The following FKBP3 variants were observed in gnomAD, a reference collection of about 807,000 sequenced individuals.
The protein encoded by FKBP3 is FKBP prolyl isomerase 3, also known as peptidyl-prolyl cis-trans isomerase FKBP3.
FKBP3 carries 21 observed loss-of-function variants against 30.6 expected under a neutral mutation model. That is an observed-to-expected ratio of 0.69 (90% CI 0.49 to 0.99). The LOEUF (loss-of-function observed/expected upper bound fraction) is 0.99, where lower values mean the gene tolerates loss of function less well. Ranked by LOEUF, FKBP3 falls within the 50% of genes least tolerant of loss-of-function variation. The probability of loss-of-function intolerance (pLI) is 0.00; values close to 1 mark genes in which losing one functional copy is unlikely to be tolerated. For synonymous variants in FKBP3, 82 were observed against 91.3 expected, an observed-to-expected ratio of 0.90 and a Z score of 0.58; for missense variants, 283 against 261.6, an observed-to-expected ratio of 1.08 and a Z score of -0.56.
Position 45,134,425 on chromosome 14 carries a change from G to T in FKBP3, c.32C>A (p.Thr11Asn). The T allele has an allele frequency of 6.2e-7, 1 of 1,612,570 alleles. No homozygotes were observed. The highest frequency in any genetic ancestry group is 8.5e-7 in the Non-Finnish European group (1 of 1,179,448). Residue 11 changes from threonine to asparagine, a missense_variant, in exon 1 of 7, where the codon ACC becomes AAC. Physicochemically the swap from Thr to Asn is moderately conservative, Grantham distance 65. Coordinates refer to ENST00000396062, the MANE Select transcript of FKBP3 (RefSeq NM_002013.4). MAAAVPQRAW[T>N]VEQLRSEQLP... ...CTGCTCACTGCGCAGCTGCTCCACGGTCCACGCCCGCTGTGGAACGGCCGC... is the reference window on the plus strand; with the variant it reads ...CTGCTCACTGCGCAGCTGCTCCACGTTCCACGCCCGCTGTGGAACGGCCGC...
rs369427790 is a variant in FKBP3 at position 45,117,982 on chromosome 14, C to T, written c.620+46G>A. ...TTCACATCCTCAAAGGTGATCTAGA[C>T]GTTTTTTTTTTTTCAACTTTAATTA... On this transcript the variant is annotated intron_variant, in intron 6 of 6. Coordinates refer to ENST00000396062, the MANE Select transcript of FKBP3 (RefSeq NM_002013.4). 1.3e-3 allele frequency: 1,547 copies of T among 1,202,094 alleles called. 2 individuals are homozygous for T. Among genetic ancestry groups the T allele is most frequent in the Non-Finnish European group, 1.7e-3 (1,429 of 832,128 alleles). The allele number at this position is 1,202,094 out of a possible 1,614,324, so 74.5% of individuals were successfully genotyped here.
chr14:45,122,500 A>C (rs1273171087), intron 3 of FKBP3, among the ~76,000 whole-genome samples: 1 of 151,834 alleles, frequency 6.6e-6, no homozygotes, highest in Non-Finnish European at 1.5e-5. Flanking sequence ...TTTATTCCTG[A>C]CCTATTTCTT....
intron 3 of FKBP3, among the ~76,000 whole-genome samples, chr14:45,123,714 A>T (rs1408791519): frequency 7.3e-6 from 1 of 137,100 alleles, no homozygotes; most frequent in African/African-American, 2.8e-5. Context: ...TCCCGGGTTC[A>T]CGCCATTCTC....
At chr14:45,116,995 A>G (rs1366203629) in intron 6 of FKBP3, among the ~76,000 whole-genome samples, 14 of 150,408 alleles carry the variant, frequency 9.3e-5, no homozygotes, top group Admixed American at 7.3e-4. Context: ...CCACCGAGAC[A>G]GAGCCTCACT....
chr14:45,117,982 C>A, intron 6 of FKBP3, 46 bp downstream of exon 6: 2 of 1,202,116 alleles, frequency 1.7e-6, no homozygotes, highest in East Asian at 2.4e-5. Flanking sequence ...GTGATCTAGA[C>A]GTTTTTTTTT....
At chr14:45,121,784 G>A (rs910879085) in intron 3 of FKBP3, among the ~76,000 whole-genome samples, 164 bp from the exon 4 acceptor site, 16 of 152,196 alleles carry the variant, frequency 1.1e-4, no homozygotes, top group East Asian at 3.8e-4. Flanking sequence ...AGGCTGTGAT[G>A]TGACTATTAG....
intron 4 of FKBP3, 83 bp downstream of exon 4, chr14:45,121,402 G>T (rs1884981353): frequency 1.8e-6 from 2 of 1,139,234 alleles, no homozygotes; most frequent in African/African-American, 1.5e-5. Flanking sequence ...CAGGAAAAAG[G>T]TACTGCTAAC....
chr14:45,132,486 C>A (rs994745314), intron 1 of FKBP3, among the ~76,000 whole-genome samples: 4 of 152,100 alleles, frequency 2.6e-5, no homozygotes, highest in African/African-American at 4.8e-5. Flanking sequence ...CAACCTCCCC[C>A]TCTTGGGTTG....
intron 1 of FKBP3, among the ~76,000 whole-genome samples, chr14:45,132,735 G>A (rs1009798673): frequency 3.3e-5 from 5 of 151,930 alleles, no homozygotes; most frequent in East Asian, 1.9e-4. Flanking sequence ...ACGACCGACC[G>A]AGACTATGCA....
At chr14:45,127,881 T>A (rs376729767) in intron 3 of FKBP3, among the ~76,000 whole-genome samples, 6 of 152,016 alleles carry the variant, frequency 3.9e-5, no homozygotes, top group African/African-American at 1.4e-4. Flanking sequence ...GGAAAAGGAA[T>A]GAACGTTTAA....
intron 5 of FKBP3, among the ~76,000 whole-genome samples, chr14:45,118,762 T>TA (rs1884914807): frequency 6.6e-6 from 1 of 152,254 alleles, no homozygotes; most frequent in Non-Finnish European, 1.5e-5. Flanking sequence ...ACGAGTTTAT[T>TA]TTTATTGGAA....
At chr14:45,130,972 T>A (rs1044512248) in intron 1 of FKBP3, 172 bp from the exon 2 acceptor site, 15 of 482,946 alleles carry the variant, frequency 3.1e-5, no homozygotes, top group Non-Finnish European at 5.5e-5. Context: ...AGAGATTTTT[T>A]AAAAATTCGG....
rs571210615 is a variant in FKBP3 at position 45,129,123 on chromosome 14, A to G, written c.318+671T>C. On this transcript the variant is annotated intron_variant, in intron 3 of 6. Coordinates refer to ENST00000396062, the MANE Select transcript of FKBP3 (RefSeq NM_002013.4). ...ATACCCAAAAGCTACACTGTCATCAATAGCCTCACCTCTTTACAAGAACTA... is the reference window on the plus strand; with the variant it reads ...ATACCCAAAAGCTACACTGTCATCAGTAGCCTCACCTCTTTACAAGAACTA... 2.6e-5 allele frequency among the ~76,000 whole-genome samples: 4 copies of G among 152,374 alleles called. No homozygotes were observed. The South Asian group carries it at 6.2e-4, about 24-fold the overall frequency.
intron 3 of FKBP3, among the ~76,000 whole-genome samples, chr14:45,122,981 T>C (rs1479675540): frequency 6.6e-6 from 1 of 151,388 alleles, no homozygotes; most frequent in Non-Finnish European, 1.5e-5. Context: ...TCACTTGAGG[T>C]CAAGAGTTTG....
intron 3 of FKBP3, 116 bp downstream of exon 3, chr14:45,129,678 T>C (rs180931607): frequency 8.5e-6 from 5 of 586,018 alleles, no homozygotes; most frequent in African/African-American, 7.5e-5. Flanking sequence ...GTTTGGCTCA[T>C]TGAAAGTGGT....
chr14:45,128,155 G>A (rs924938508), intron 3 of FKBP3, among the ~76,000 whole-genome samples: 3 of 152,156 alleles, frequency 2.0e-5, no homozygotes, highest in African/African-American at 7.2e-5. Flanking sequence ...CAGCCAACAT[G>A]GAGAAACTGC....
At position 45,121,490 on chromosome 14, in the gene FKBP3, T is replaced by G; in HGVS notation, c.449A>C (p.Gln150Pro). The G allele has an allele frequency of 6.2e-7, 1 of 1,610,076 alleles. No homozygotes were observed. The highest frequency in any genetic ancestry group is 1.1e-5 in the South Asian group (1 of 90,578). ...QDGTVFDTNI[Q>P]TSAKKKKNAK... Reference sequence around the variant, plus strand: ...AAGATTCCATTTAGACTTACTTGTTTGAATATTAGTATCAAAAACAGTCCC... The same window carrying G: ...AAGATTCCATTTAGACTTACTTGTTGGAATATTAGTATCAAAAACAGTCCC... Residue 150 changes from glutamine (Q) to proline (P), a missense_variant, in exon 4 of 7, where the codon CAA becomes CCA. Transcript: ENST00000396062.
At chr14:45,117,756 T>G (rs975672826) in intron 6 of FKBP3, among the ~76,000 whole-genome samples, 6 of 152,260 alleles carry the variant, frequency 3.9e-5, no homozygotes, top group African/African-American at 1.4e-4. Context: ...TAAGAATTGC[T>G]GTTTAAGCTT....
In FKBP3 at chr14:45,134,433, C is replaced by G. The variant is rs1231235442; in HGVS notation, c.24G>C (p.Arg8=). 1 of 1,611,930 alleles carries G rather than the reference C, an allele frequency of 6.2e-7. No homozygotes were observed. Among genetic ancestry groups the G allele is most frequent in the Non-Finnish European group, 8.5e-7 (1 of 1,179,142 alleles). The stretch of plus-strand genomic sequence containing the variant: ...TGCGCAGCTGCTCCACGGTCCACGC[C>G]CGCTGTGGAACGGCCGCCGCCATCT... MAAAVPQ[R]AWTVEQLRSE... The change falls in exon 1 of 7, where the codon CGG becomes CGC. Residue 8 remains arginine (R), a synonymous_variant. Coordinates refer to ENST00000396062, the MANE Select transcript of FKBP3 (RefSeq NM_002013.4).
Sources: allele counts gnomAD v4.1 joint callset (sites outside exome capture counted in the v4.1 genomes callset), GRCh38; gene constraint gnomAD v4.1.1; transcripts MANE v1.5; gene names NCBI Gene and HGNC (gene_info 2026-07-23, HGNC 2026-07-21).